The following CNBD1 variants were observed in gnomAD, a reference collection of about 807,000 sequenced individuals.
CNBD1 encodes the protein cyclic nucleotide binding domain containing 1, also known as cyclic nucleotide-binding domain-containing protein 1.
A neutral mutation model predicts 54.4 loss-of-function variants in CNBD1; 71 were observed. The ratio of observed to expected loss-of-function variants is 1.30; its 90% CI spans 1.08 to 1.59. The LOEUF is 1.59. Ranked by LOEUF, CNBD1 falls within the 40% of genes most tolerant of loss-of-function variation. CNBD1 has a pLI of 0.00. For missense variants in CNBD1, 659 were observed against 518.0 expected, an observed-to-expected ratio of 1.27 and a Z score of -2.64; for synonymous variants, 182 against 170.7, an observed-to-expected ratio of 1.07 and a Z score of -0.51.
chr8:87,064,546 GTTA>G lies in CNBD1; in HGVS notation c.431+124795_431+124797del, dbSNP rs1311799054. 1.1e-4 allele frequency among the ~76,000 whole-genome samples: 16 copies of G among 151,844 alleles called. No individual in the cohort carries two copies. The East Asian group carries it at 3.1e-3, about 29-fold the overall frequency. ...TTTTATATTTTAAAATTTAAAGGAT[GTTA>G]TTGTTTTATAAAGTCAATATTACAT... On this transcript the variant is annotated intron_variant, in intron 4 of 10. Transcript: ENST00000518476.
chr8:87,365,713 G>T (rs1241540318), intron 10 of CNBD1, among the ~76,000 whole-genome samples: 1 of 151,964 alleles, frequency 6.6e-6, no homozygotes, highest in Non-Finnish European at 1.5e-5. Context: ...TGATAACTTT[G>T]CTTTCCTGTT....
At chr8:86,991,498 G>T (rs912209483) in intron 4 of CNBD1, among the ~76,000 whole-genome samples, 1 of 151,842 alleles carries the variant, frequency 6.6e-6, no homozygotes, top group Non-Finnish European at 1.5e-5. Flanking sequence ...GTGGAATTTT[G>T]TGTCTCAATA....
chr8:87,024,988 T>C (rs1809603799), intron 4 of CNBD1, among the ~76,000 whole-genome samples: 1 of 152,192 alleles, frequency 6.6e-6, no homozygotes, highest in African/African-American at 2.4e-5. Context: ...AACATCTTTC[T>C]GTGTATATTA....
intron 4 of CNBD1, among the ~76,000 whole-genome samples, chr8:87,052,090 G>A (rs1229622712): frequency 2.0e-5 from 3 of 152,166 alleles, no homozygotes; most frequent in Non-Finnish European, 4.4e-5. Flanking sequence ...CAATTTGCAG[G>A]CGTACCCTGG....
intron 3 of CNBD1, among the ~76,000 whole-genome samples, chr8:86,908,033 G>T (rs1418120221): frequency 6.6e-6 from 1 of 152,172 alleles, no homozygotes; most frequent in Non-Finnish European, 1.5e-5. Context: ...AGCAAGTAAG[G>T]CACCTGCCTG....
At chr8:87,265,264 T>C (rs1808229269) in intron 6 of CNBD1, among the ~76,000 whole-genome samples, 1 of 152,106 alleles carries the variant, frequency 6.6e-6, no homozygotes, top group Admixed American at 6.6e-5. Context: ...GGGAATCCTT[T>C]CCCCATTGCT....
chr8:86,869,882 G>A (rs545835818), intron 1 of CNBD1, among the ~76,000 whole-genome samples: 85 of 152,208 alleles, frequency 5.6e-4, no homozygotes, highest in African/African-American at 2.0e-3. Context: ...GCAAGAAGCT[G>A]TCCTTCACCG....
intron 4 of CNBD1, among the ~76,000 whole-genome samples, chr8:87,127,079 A>G (rs558353721): frequency 6.6e-6 from 1 of 151,972 alleles, no homozygotes; most frequent in African/African-American, 2.4e-5. Context: ...TAGCTTTATA[A>G]TAAATAAGTA....
chr8:87,335,915 C>A (rs1421033138), intron 8 of CNBD1, among the ~76,000 whole-genome samples: 2 of 152,174 alleles, frequency 1.3e-5, no homozygotes, highest in Non-Finnish European at 2.9e-5. Context: ...GATGAATTCC[C>A]TCAGCATTTG....
intron 4 of CNBD1, among the ~76,000 whole-genome samples, chr8:87,080,507 G>C (rs774057193): frequency 3.3e-5 from 5 of 151,644 alleles, no homozygotes; most frequent in Admixed American, 1.3e-4. Flanking sequence ...GGAGGTGGAG[G>C]TTGCAGTGAG....
At chr8:87,061,391 T>G (rs1229996814) in intron 4 of CNBD1, among the ~76,000 whole-genome samples, 3 of 152,202 alleles carry the variant, frequency 2.0e-5, no homozygotes, top group Non-Finnish European at 2.9e-5. Context: ...ATGGTCATAT[T>G]TTTACAATGC....
intron 4 of CNBD1, among the ~76,000 whole-genome samples, chr8:87,034,419 T>C (rs139358880): frequency 6.6e-6 from 1 of 152,344 alleles, no homozygotes; most frequent in Non-Finnish European, 1.5e-5. Flanking sequence ...TACTGGCAAC[T>C]CTTGAGCTCA....
rs1586304684 is a variant in CNBD1 at position 87,170,875 on chromosome 8, G to C, written c.432-35118G>C. Among the ~76,000 whole-genome samples, 3 of 152,206 alleles carry C rather than the reference G, an allele frequency of 2.0e-5. No homozygotes were observed. The East Asian group carries it at 5.8e-4, about 29-fold the overall frequency. ...CCCTGGATAAATCCCACTTGGTCAT[G>C]ATGAATGATCTTCTTACGGTGTTGT... On this transcript the variant is annotated intron_variant, in intron 4 of 10. Transcript: ENST00000518476.
chr8:86,867,698 T>C (rs1808384584), intron 1 of CNBD1, among the ~76,000 whole-genome samples: 1 of 152,240 alleles, frequency 6.6e-6, no homozygotes, highest in Non-Finnish European at 1.5e-5. Context: ...CAGCTTCTAC[T>C]ATTCATGTTT....
chr8:87,185,380 C>A (rs1813452128), intron 4 of CNBD1, among the ~76,000 whole-genome samples: 1 of 151,938 alleles, frequency 6.6e-6, no homozygotes, highest in African/African-American at 2.4e-5. Flanking sequence ...TTATTGGGTG[C>A]CAGTTATTTT....
intron 2 of CNBD1, among the ~76,000 whole-genome samples, chr8:87,410,521 G>A (rs1490063981): frequency 6.6e-6 from 1 of 152,118 alleles, no homozygotes; most frequent in Non-Finnish European, 1.5e-5. Flanking sequence ...AATAAGCAAA[G>A]AAAGTGGTTT....
intron 8 of CNBD1, among the ~76,000 whole-genome samples, chr8:87,322,205 G>A (rs1260811726): frequency 8.2e-6 from 1 of 122,236 alleles, no homozygotes; most frequent in Admixed American, 7.9e-5. Context: ...GTCTATCATT[G>A]TTGGACATTT....
intron 5 of CNBD1, among the ~76,000 whole-genome samples, chr8:87,224,695 C>A (rs1814435925): frequency 1.3e-5 from 2 of 151,756 alleles, no homozygotes; most frequent in South Asian, 2.1e-4. Flanking sequence ...CAGCTTTGTT[C>A]TTTTGGCTCA....
chr8:87,019,777 C>T (rs571577986), intron 4 of CNBD1, among the ~76,000 whole-genome samples: 1 of 152,228 alleles, frequency 6.6e-6, no homozygotes, highest in African/African-American at 2.4e-5. Flanking sequence ...ACTCGGGAAG[C>T]TGAGGCAGGA....
Sources: allele counts gnomAD v4.1 joint callset (sites outside exome capture counted in the v4.1 genomes callset), GRCh38; gene constraint gnomAD v4.1.1; transcripts MANE v1.5; gene names NCBI Gene and HGNC (gene_info 2026-07-23, HGNC 2026-07-21).